The following SLC35F3 variants were observed in gnomAD, a reference collection of about 807,000 sequenced individuals.
The protein encoded by SLC35F3 is solute carrier family 35 member F3, also known as putative thiamine transporter SLC35F3.
SLC35F3 carries 25 observed loss-of-function variants against 49.9 expected under a neutral mutation model. The observed-to-expected ratio is 0.50, with a 90% CI of 0.37 to 0.70. SLC35F3 has a LOEUF of 0.70. Among genes scored for constraint, SLC35F3 ranks in the 30% least tolerant of loss-of-function variants. The probability of loss-of-function intolerance (pLI) is 0.00; values close to 1 mark genes in which losing one functional copy is unlikely to be tolerated. For synonymous variants in SLC35F3, 275 were observed against 265.4 expected, an observed-to-expected ratio of 1.04 and a Z score of -0.35; for missense variants, 525 against 639.8, an observed-to-expected ratio of 0.82 and a Z score of 1.94.
intron 3 of SLC35F3, among the ~76,000 whole-genome samples, chr1:234,255,707 G>A (rs1667810387): frequency 6.6e-6 from 1 of 152,104 alleles, no homozygotes; most frequent in Non-Finnish European, 1.5e-5. Flanking sequence ...GTAACATTCT[G>A]CAAAAGGCAA....
At chr1:234,120,917 T>C (rs1024720639) in intron 2 of SLC35F3, among the ~76,000 whole-genome samples, 1 of 152,154 alleles carries the variant, frequency 6.6e-6, no homozygotes, top group Non-Finnish European at 1.5e-5. Context: ...CCTTGAAATG[T>C]TTTTTATGTG....
chr1:234,098,550 G>A (rs1665163139), intron 2 of SLC35F3, among the ~76,000 whole-genome samples: 1 of 148,912 alleles, frequency 6.7e-6, no homozygotes, highest in African/African-American at 2.5e-5. Flanking sequence ...TGGTGGTGGT[G>A]ATTATTGGTG....
intron 2 of SLC35F3, among the ~76,000 whole-genome samples, chr1:234,107,280 A>G (rs932783095): frequency 3.3e-5 from 5 of 152,138 alleles, no homozygotes; most frequent in Non-Finnish European, 7.3e-5. Flanking sequence ...GGAAAAGTAT[A>G]CTCCACCTGC....
chr1:234,140,195 G>A (rs1218794567), intron 2 of SLC35F3, among the ~76,000 whole-genome samples: 2 of 151,780 alleles, frequency 1.3e-5, no homozygotes, highest in Admixed American at 1.3e-4. Flanking sequence ...AAACCTATGA[G>A]CCGTTTCTGG....
At chr1:233,995,196 A>G (rs1663438064) in intron 2 of SLC35F3, among the ~76,000 whole-genome samples, 1 of 152,244 alleles carries the variant, frequency 6.6e-6, no homozygotes, top group African/African-American at 2.4e-5. Flanking sequence ...AATACTAAGT[A>G]TATGTGTAAA....
intron 3 of SLC35F3, among the ~76,000 whole-genome samples, chr1:234,304,170 A>T (rs1354841444): frequency 2.1e-5 from 3 of 141,438 alleles, no homozygotes; most frequent in East Asian, 2.1e-4. Context: ...TCTATTAATT[A>T]TTTTTTTTTG....
At chr1:234,199,488 AT>A (rs1428367430) in intron 2 of SLC35F3, among the ~76,000 whole-genome samples, 2 of 152,356 alleles carry the variant, frequency 1.3e-5, no homozygotes, top group Non-Finnish European at 2.9e-5. Flanking sequence ...ATACAAAAAA[AT>A]CAACTCAAAG....
chr1:234,293,982 T>C (rs1180805714), intron 3 of SLC35F3, among the ~76,000 whole-genome samples: 1 of 152,248 alleles, frequency 6.6e-6, no homozygotes, highest in East Asian at 1.9e-4. Context: ...CCACAAGTCG[T>C]TATGTCTCTT....
chr1:234,296,977 A>C (rs888118683), intron 3 of SLC35F3, among the ~76,000 whole-genome samples: 4 of 152,240 alleles, frequency 2.6e-5, no homozygotes, highest in African/African-American at 9.6e-5. Context: ...CAATTAAAAA[A>C]AACATGTGGT....
chr1:234,081,936 TAG>T (rs1290200932), intron 2 of SLC35F3, among the ~76,000 whole-genome samples: 37 of 131,844 alleles, frequency 2.8e-4, no homozygotes, highest in Non-Finnish European at 4.1e-4. Context: ...TTTTTTTTTT[TAG>T]TAGAGACAGG....
At chr1:234,252,393 C>T (rs1006541869) in intron 3 of SLC35F3, among the ~76,000 whole-genome samples, 10 of 151,932 alleles carry the variant, frequency 6.6e-5, no homozygotes, top group African/African-American at 2.2e-4. Flanking sequence ...TTTAAAAATG[C>T]TTAAAGACTA....
chr1:234,231,335 A>G lies in SLC35F3; in HGVS notation c.284-82A>G. On this transcript the variant is annotated intron_variant, in intron 2 of 7. Coordinates refer to ENST00000366618, the MANE Select transcript of SLC35F3 (RefSeq NM_173508.4). This position sits in a 1 kb window ranked among gnomAD's most constrained non-coding sequence, Gnocchi z 5.4. ...CCGGGCCCCCAGGTAGCTGGTGGTGACAATGGCTGCAGGGCAGCGCCCTGC... is the reference window on the plus strand; with the variant it reads ...CCGGGCCCCCAGGTAGCTGGTGGTGGCAATGGCTGCAGGGCAGCGCCCTGC... The G allele has an allele frequency of 1.6e-6, 2 of 1,213,280 alleles. No homozygotes were observed. The highest frequency in any genetic ancestry group is 1.1e-6 in the Non-Finnish European group (1 of 897,748). 75.2% of individuals were successfully genotyped at this position (1,213,280 alleles called of 1,614,324 possible). A position where few individuals can be genotyped will look rare whatever the true frequency, so the allele number is the denominator to read the frequency against.
chr1:233,925,973 T>C (rs1261432795), intron 2 of SLC35F3, among the ~76,000 whole-genome samples: 2 of 152,244 alleles, frequency 1.3e-5, no homozygotes, highest in East Asian at 3.8e-4. Flanking sequence ...CACTCTCTTC[T>C]GGCTTGTAGA....
chr1:234,298,593 A>T (rs559710169), intron 3 of SLC35F3, among the ~76,000 whole-genome samples: 1 of 152,214 alleles, frequency 6.6e-6, no homozygotes, highest in African/African-American at 2.4e-5. Flanking sequence ...GAATCTCCTA[A>T]GTATATTTTA....
chr1:234,256,602 G>T (rs543346689), intron 3 of SLC35F3, among the ~76,000 whole-genome samples: 2 of 152,270 alleles, frequency 1.3e-5, no homozygotes, highest in African/African-American at 4.8e-5. Flanking sequence ...AGTGGTTCTG[G>T]CCAGTCTATG....
At chr1:233,956,642 C>G (rs751710095) in intron 2 of SLC35F3, among the ~76,000 whole-genome samples, 47 of 152,090 alleles carry the variant, frequency 3.1e-4, no homozygotes, top group Non-Finnish European at 5.9e-5. Context: ...AACAGGGGAG[C>G]AGCCTGCCAG....
In SLC35F3 at chr1:233,929,227, C is replaced by T. The variant is rs538158691; in HGVS notation, c.283+23469C>T. Among the ~76,000 whole-genome samples, 49 of 152,296 alleles carry T rather than the reference C, an allele frequency of 3.2e-4. No individual in the cohort carries two copies. In the South Asian group the frequency reaches 7.1e-3, roughly 22 times the overall value. On this transcript the variant is annotated intron_variant, in intron 2 of 7. Coordinates refer to ENST00000366618, the MANE Select transcript of SLC35F3 (RefSeq NM_173508.4). ...GCACACCTGAATTCTAGTTTTGGGG[C>T]TGCCAATTCCGTTGGTGTCATAGAC...
At chr1:234,288,382 T>C (rs545623039) in intron 3 of SLC35F3, among the ~76,000 whole-genome samples, 68 of 152,374 alleles carry the variant, frequency 4.5e-4, no homozygotes, top group African/African-American at 1.4e-3. Flanking sequence ...CATTTAGTGC[T>C]TTTCAAAATA....
At position 234,108,737 on chromosome 1, in the gene SLC35F3, CTT is replaced by C. The variant is rs1302936849; in HGVS notation, c.284-122677_284-122676del. Among the ~76,000 whole-genome samples, 2 of 35,490 alleles carry C rather than the reference CTT, an allele frequency of 5.6e-5. 1 individual carries two copies. Among genetic ancestry groups the C allele is most frequent in the Non-Finnish European group, 1.1e-4 (2 of 17,692 alleles). 23.3% of individuals were successfully genotyped at this position (35,490 alleles called of 152,430 possible). ...AAAAGATATATATAAATATATATAT[CTT>C]TTATATATAAAAGATATATATAAAT... On this transcript the variant is annotated intron_variant, in intron 2 of 7. Transcript: ENST00000366618.
Sources: gnomAD v4.1 joint callset for allele counts (sites outside exome capture counted in the v4.1 genomes callset) on GRCh38, gnomAD v4.1.1 for gene constraint, Gnocchi (gnomAD v3.1) non-coding constraint, MANE v1.5 for transcripts, NCBI Gene and HGNC (gene_info 2026-07-23, HGNC 2026-07-21) for gene names.